The following PTPRT variants were observed in gnomAD, a reference collection of about 807,000 sequenced individuals.
PTPRT encodes the protein receptor-type tyrosine-protein phosphatase T.
A neutral mutation model predicts 176.8 loss-of-function variants in PTPRT; 56 were observed. That is an observed-to-expected ratio of 0.32 (90% CI 0.26 to 0.40). The LOEUF (loss-of-function observed/expected upper bound fraction) is 0.40. Ranked by LOEUF, PTPRT falls within the 10% of genes least tolerant of loss-of-function variation. PTPRT has a pLI of 1.00. For missense variants in PTPRT, 1,540 were observed against 1,908.2 expected (o/e 0.81, Z 3.60); for synonymous variants, 783 against 739.0 (o/e 1.06, Z -0.96).
chr20:42,217,675 T>A (rs2055807646), intron 15 of PTPRT, among the ~76,000 whole-genome samples: 1 of 152,212 alleles, frequency 6.6e-6, no homozygotes, highest in African/African-American at 2.4e-5. Flanking sequence ...AGTTACCTAG[T>A]GCACTGCGGG....
In PTPRT at chr20:42,194,486, C is replaced by T. The variant is rs1302369057; in HGVS notation, c.2491+4754G>A. 3.0e-4 allele frequency among the ~76,000 whole-genome samples: 46 copies of T among 152,136 alleles called. 1 individual carries two copies. Among genetic ancestry groups the T allele is most frequent in the Admixed American group, 3.0e-3 (46 of 15,280 alleles). On this transcript the variant is annotated intron_variant, in intron 16 of 30. Transcript: ENST00000373187. ...TGGGAAGAGCAGACTACCAAGTCCC[C>T]ATATCACAGGAATTCAAAAGGAATT...
chr20:42,349,910 C>G (rs2058251403), intron 11 of PTPRT, among the ~76,000 whole-genome samples: 1 of 152,194 alleles, frequency 6.6e-6, no homozygotes, highest in African/African-American at 2.4e-5. Context: ...TTCCTGATCT[C>G]CAACCACGTT....
chr20:42,103,588 C>T (rs1220437704), intron 25 of PTPRT, among the ~76,000 whole-genome samples: 2 of 152,220 alleles, frequency 1.3e-5, no homozygotes, highest in East Asian at 1.9e-4. Context: ...GCCTCAGCCT[C>T]CTGAGTAGCT....
chr20:42,541,747 A>C (rs573917146), intron 7 of PTPRT, among the ~76,000 whole-genome samples: 1 of 152,100 alleles, frequency 6.6e-6, no homozygotes, highest in African/African-American at 2.4e-5. Flanking sequence ...CTTGGAGAGA[A>C]GGAAGCCCAG....
intron 11 of PTPRT, among the ~76,000 whole-genome samples, chr20:42,325,133 G>A (rs2057863501): frequency 6.6e-6 from 1 of 152,142 alleles, no homozygotes; most frequent in Non-Finnish European, 1.5e-5. Flanking sequence ...AATGAAGTGA[G>A]GGCAGCAAGA....
At chr20:43,145,730 C>T (rs1011426004) in intron 1 of PTPRT, among the ~76,000 whole-genome samples, 13 of 152,224 alleles carry the variant, frequency 8.5e-5, no homozygotes, top group African/African-American at 3.1e-4. Context: ...AGAGCCTTCT[C>T]CAGCTCTCCA....
At chr20:42,066,574 T>G in the PTPRT span, among the ~76,000 whole-genome samples, 1 of 152,212 alleles carries the variant, frequency 6.6e-6, no homozygotes, top group South Asian at 2.1e-4. Context: ...TAATAACTAT[T>G]TTTTAATTTG....
intron 1 of PTPRT, chr20:43,063,546 T>C (rs887055968): frequency 6.6e-6 from 1 of 152,184 alleles, no homozygotes; most frequent in East Asian, 1.9e-4. Context: ...GCTCCCCTGA[T>C]AGAACCTCCA....
At chr20:42,717,595 T>A (rs556533326) in intron 6 of PTPRT, among the ~76,000 whole-genome samples, 10 of 152,202 alleles carry the variant, frequency 6.6e-5, no homozygotes, top group African/African-American at 9.6e-5. Flanking sequence ...GGATTTTTTT[T>A]TTATTGTGGG....
rs188492051 is a variant in PTPRT, at chr20:42,866,612, C to T, written c.214+19195G>A. 2.6e-5 allele frequency among the ~76,000 whole-genome samples: 4 copies of T among 152,246 alleles called. No individual in the cohort carries two copies. In the East Asian group the frequency reaches 7.7e-4, roughly 29 times the overall value. ...AAAAGATAAATCTGATCAAACATTCCCTGACTTAATCTCTGATGAATCCTC... is the reference window on the plus strand; with the variant it reads ...AAAAGATAAATCTGATCAAACATTCTCTGACTTAATCTCTGATGAATCCTC... On this transcript the variant is annotated intron_variant, in intron 2 of 30. Coordinates refer to ENST00000373187, the MANE Select transcript of PTPRT (RefSeq NM_007050.6).
chr20:42,718,443 A>C (rs1555904308), intron 6 of PTPRT, among the ~76,000 whole-genome samples: 1 of 152,186 alleles, frequency 6.6e-6, no homozygotes, highest in South Asian at 2.1e-4. Flanking sequence ...AGGCTGAGGC[A>C]GGGGAATGGC....
At chr20:42,589,568 G>A (rs1427428855) in intron 7 of PTPRT, among the ~76,000 whole-genome samples, 3 of 152,150 alleles carry the variant, frequency 2.0e-5, no homozygotes, top group African/African-American at 7.2e-5. Flanking sequence ...CCTGTACTTT[G>A]AATGGGAGAT....
the PTPRT span, among the ~76,000 whole-genome samples, chr20:42,065,381 A>C: frequency 6.6e-6 from 1 of 152,154 alleles, no homozygotes; most frequent in African/African-American, 2.4e-5. Flanking sequence ...ATACACTTAG[A>C]TTTTCTCTGT....
In PTPRT at chr20:42,189,288, G is replaced by A. The variant is rs118120399; in HGVS notation, c.2491+9952C>T. Among the ~76,000 whole-genome samples the A allele has an allele frequency of 1.0e-2, 1,519 of 152,114 alleles. 19 individuals are homozygous for A. The highest frequency in any genetic ancestry group is 0.015 in the Non-Finnish European group (1,032 of 68,000). Reference sequence around the variant, plus strand: ...AAATCAAAATCCATCTCCTTACATCGTATTTTCCAAATCACTTAGCCAGAA... The same window carrying A: ...AAATCAAAATCCATCTCCTTACATCATATTTTCCAAATCACTTAGCCAGAA... On this transcript the variant is annotated intron_variant, in intron 16 of 30. Coordinates refer to ENST00000373187, the MANE Select transcript of PTPRT (RefSeq NM_007050.6).
At chr20:42,898,243 C>T (rs558503736) in intron 1 of PTPRT, among the ~76,000 whole-genome samples, 1 of 152,270 alleles carries the variant, frequency 6.6e-6, no homozygotes, top group African/African-American at 2.4e-5. Context: ...GGGTCTTGCT[C>T]TGTCACCCAG....
chr20:42,325,623 T>C (rs1232196033), intron 11 of PTPRT, among the ~76,000 whole-genome samples: 2 of 152,160 alleles, frequency 1.3e-5, no homozygotes, highest in East Asian at 3.9e-4. Context: ...ATCTCTTAAC[T>C]GGATTATTGT....
chr20:42,182,573 T>C (rs1218846844), intron 16 of PTPRT, among the ~76,000 whole-genome samples: 1 of 152,206 alleles, frequency 6.6e-6, no homozygotes, highest in Non-Finnish European at 1.5e-5. Context: ...CTGTCATGTC[T>C]GTACATCAGT....
At chr20:42,196,348 TATTA>T (rs1453846898) in intron 16 of PTPRT, among the ~76,000 whole-genome samples, 1 of 152,162 alleles carries the variant, frequency 6.6e-6, no homozygotes, top group African/African-American at 2.4e-5. Context: ...TTTCTATTAT[TATTA>T]ATTGACACTA....
intron 1 of PTPRT, among the ~76,000 whole-genome samples, chr20:43,059,747 G>T (rs145322499): frequency 6.6e-6 from 1 of 152,270 alleles, no homozygotes; most frequent in East Asian, 1.9e-4. Context: ...GGGAGACTGA[G>T]GTGGGCAGAT....
Sources: gnomAD v4.1 joint callset for allele counts (sites outside exome capture counted in the v4.1 genomes callset) on GRCh38, gnomAD v4.1.1 for gene constraint, MANE v1.5 for transcripts, NCBI Gene and HGNC (gene_info 2026-07-23, HGNC 2026-07-21) for gene names.